Variants in RAP2A observed in about 807,000 individuals in gnomAD.
RAP2A encodes RAP2A, member of RAS oncogene family, also known as ras-related protein Rap-2a.
RAP2A carries 5 observed loss-of-function variants against 15.1 expected under a neutral mutation model. The observed-to-expected ratio is 0.33, with a 90% CI of 0.17 to 0.70. RAP2A has a LOEUF of 0.70. RAP2A is among the 30% of genes least tolerant of loss of function. The pLI, the probability that RAP2A is intolerant of heterozygous loss-of-function variation, is 0.68. For missense variants in RAP2A, 111 were observed against 240.3 expected, an observed-to-expected ratio of 0.46 and a Z score of 3.56; for synonymous variants, 110 against 99.7, an observed-to-expected ratio of 1.10 and a Z score of -0.62.
intron 1 of RAP2A, among the ~76,000 whole-genome samples, chr13:97,458,575 T>C (rs1057250125): frequency 1.3e-5 from 2 of 152,168 alleles, no homozygotes; most frequent in Admixed American, 6.5e-5. Context: ...CTTATAGATA[T>C]AGACATATTA....
intron 1 of RAP2A, among the ~76,000 whole-genome samples, chr13:97,453,400 C>T (rs1446091173): frequency 6.6e-6 from 1 of 151,208 alleles, no homozygotes; most frequent in Non-Finnish European, 1.5e-5. Context: ...CATCCTTAGT[C>T]CCTGCCAACC....
intron 1 of RAP2A, among the ~76,000 whole-genome samples, chr13:97,463,826 G>A (rs942873162): frequency 6.6e-6 from 1 of 151,962 alleles, no homozygotes; most frequent in Non-Finnish European, 1.5e-5. Flanking sequence ...TAAGTTGTTT[G>A]TTTACTCATT....
intron 1 of RAP2A, among the ~76,000 whole-genome samples, chr13:97,460,302 T>G (rs979474263): frequency 6.6e-6 from 1 of 152,242 alleles, no homozygotes; most frequent in African/African-American, 2.4e-5. Flanking sequence ...TGCTAAGCAC[T>G]CAGCAATTAA....
rs1001396983 is a variant in RAP2A, at chr13:97,469,027, C to T, written c.*4585C>T. ...TTTAAAATATGTTGCCACATAAATA[C>T]TAATAAAACATAGTTGCTCTTCATC... is the stretch of plus-strand genomic sequence containing the variant. On this transcript the variant is annotated 3_prime_UTR_variant, in exon 2 of 2. Transcript: ENST00000245304. 2.6e-5 allele frequency: 4 copies of T among 152,142 alleles called. No individual in the cohort carries two copies. The highest frequency in any genetic ancestry group is 9.7e-5 in the African/African-American group (4 of 41,432). The allele number at this position is 152,142 out of a possible 1,614,324, so 9.4% of individuals were successfully genotyped here. A position where few individuals can be genotyped will look rare whatever the true frequency, so the allele number is the denominator to read the frequency against.
chr13:97,445,251 C>T (rs2066674798), intron 1 of RAP2A, among the ~76,000 whole-genome samples: 1 of 152,156 alleles, frequency 6.6e-6, no homozygotes, highest in Non-Finnish European at 1.5e-5. Context: ...CTCCTTCCCT[C>T]AATGATCCAC....
intron 1 of RAP2A, among the ~76,000 whole-genome samples, chr13:97,446,978 A>T (rs948175323): frequency 1.3e-5 from 2 of 152,246 alleles, no homozygotes; most frequent in Non-Finnish European, 2.9e-5. Context: ...AGCAGTAGTT[A>T]TCTGGAACAA....
intron 1 of RAP2A, chr13:97,441,802 G>GT: frequency 4.5e-6 from 2 of 444,816 alleles, no homozygotes; most frequent in Non-Finnish European, 9.0e-6. Flanking sequence ...AGTACTCTAA[G>GT]TTTTTTTGGA....
At chr13:97,458,931 G>A (rs896877341) in intron 1 of RAP2A, among the ~76,000 whole-genome samples, 3 of 152,036 alleles carry the variant, frequency 2.0e-5, no homozygotes, top group South Asian at 2.1e-4. Flanking sequence ...AAGCAGAGCT[G>A]CTTAAAAGAA....
intron 1 of RAP2A, chr13:97,437,547 A>ACT (rs1566470820): frequency 6.6e-6 from 1 of 152,096 alleles, no homozygotes. Context: ...TGTCATTCTT[A>ACT]CTTTAATAAC....
intron 1 of RAP2A, among the ~76,000 whole-genome samples, chr13:97,463,330 C>G (rs2066756341): frequency 6.6e-6 from 1 of 152,166 alleles, no homozygotes; most frequent in Non-Finnish European, 1.5e-5. Context: ...GACTTAGGAG[C>G]TTCTTTCTTT....
At chr13:97,450,962 T>C (rs2066700123) in intron 1 of RAP2A, among the ~76,000 whole-genome samples, 1 of 152,230 alleles carries the variant, frequency 6.6e-6, no homozygotes, top group Non-Finnish European at 1.5e-5. Flanking sequence ...CTATTGTTTT[T>C]ATTTCCAATA....
intron 1 of RAP2A, among the ~76,000 whole-genome samples, chr13:97,449,454 C>A (rs946019908): frequency 6.6e-6 from 1 of 152,098 alleles, no homozygotes; most frequent in Non-Finnish European, 1.5e-5. Context: ...TTCTGTCCAT[C>A]CCTGTAATCA....
At chr13:97,457,880 G>A (rs2066730270) in intron 1 of RAP2A, among the ~76,000 whole-genome samples, 2 of 151,412 alleles carry the variant, frequency 1.3e-5, no homozygotes, top group African/African-American at 4.9e-5. Flanking sequence ...AAGAGTAGGA[G>A]GGACCTATAT....
intron 1 of RAP2A, among the ~76,000 whole-genome samples, chr13:97,451,408 AC>A (rs1210839139): frequency 6.6e-6 from 1 of 152,092 alleles, no homozygotes; most frequent in African/African-American, 2.4e-5. Flanking sequence ...ATACTCAGAG[AC>A]CACCATAAAT....
chr13:97,461,456 A>G (rs2066745594), intron 1 of RAP2A, among the ~76,000 whole-genome samples: 1 of 152,204 alleles, frequency 6.6e-6, no homozygotes. Flanking sequence ...ATCTACATTT[A>G]CCAGTTATTA....
rs565440404 is a variant in RAP2A at position 97,461,835 on chromosome 13, C to T, written c.315-2370C>T. ...AAAATTAGTCGGGCGTGGTGGTGGGCGCCTGTAGTCCCAGGTACTCAGGAG... is the reference window on the plus strand; with the variant it reads ...AAAATTAGTCGGGCGTGGTGGTGGGTGCCTGTAGTCCCAGGTACTCAGGAG... On this transcript the variant is annotated intron_variant, in intron 1 of 1. Transcript: ENST00000245304. 4.4e-4 allele frequency among the ~76,000 whole-genome samples: 67 copies of T among 151,264 alleles called. No individual in the cohort carries two copies. In the South Asian group the frequency reaches 0.013, roughly 30 times the overall value.
At position 97,468,496 on chromosome 13, in the gene RAP2A, G is replaced by C. The variant is rs1403217828; in HGVS notation, c.*4054G>C. The stretch of plus-strand genomic sequence containing the variant: ...TGCTGTTAATTGTATACAGCCTTCA[G>C]CTGCTCTGATAAGGAGCCCATTCAT... On this transcript the variant is annotated 3_prime_UTR_variant, in exon 2 of 2. Transcript: ENST00000245304. The C allele has an allele frequency of 2.0e-5, 3 of 152,208 alleles. No individual in the cohort carries two copies. The highest frequency in any genetic ancestry group is 1.3e-4 in the Admixed American group (2 of 15,274). The allele number at this position is 152,208 out of a possible 1,614,324, so 9.4% of individuals were successfully genotyped here. A position where few individuals can be genotyped will look rare whatever the true frequency, so the allele number is the denominator to read the frequency against.
In RAP2A at chr13:97,466,073, A is replaced by G. The variant is rs1228177413; in HGVS notation, c.*1631A>G. 6.6e-6 allele frequency: 1 copy of G among 152,186 alleles called. No homozygotes were observed. 9.4% of individuals were successfully genotyped at this position (152,186 alleles called of 1,614,324 possible). A position where few individuals can be genotyped will look rare whatever the true frequency, so the allele number is the denominator to read the frequency against. On this transcript the variant is annotated 3_prime_UTR_variant, in exon 2 of 2. Coordinates refer to ENST00000245304, the MANE Select transcript of RAP2A (RefSeq NM_021033.7). The stretch of plus-strand genomic sequence containing the variant: ...TGGCACAAGTCAGAGATAATTGCCT[A>G]TACTAAGAATCTATACTGCAGAATA...
chr13:97,458,332 T>C (rs1221741687), intron 1 of RAP2A, among the ~76,000 whole-genome samples: 2 of 152,208 alleles, frequency 1.3e-5, no homozygotes, highest in Non-Finnish European at 2.9e-5. Context: ...TATGACCTTC[T>C]TTAAATACGC....
Sources: allele counts gnomAD v4.1 joint callset (sites outside exome capture counted in the v4.1 genomes callset), GRCh38; gene constraint gnomAD v4.1.1; transcripts MANE v1.5; gene names NCBI Gene and HGNC (gene_info 2026-07-23, HGNC 2026-07-21).